ZEB1: variants seen among roughly 807,000 people sequenced by gnomAD.
ZEB1 encodes zinc finger E-box binding homeobox 1, also known as zinc finger E-box-binding homeobox 1.
In ZEB1, 21 loss-of-function variants were observed where a neutral mutation model predicts 84.9. The observed-to-expected ratio is 0.25, with a 90% CI of 0.18 to 0.36. The LOEUF (loss-of-function observed/expected upper bound fraction) is 0.36, where lower values mean the gene tolerates loss of function less well. ZEB1 is among the 10% of genes least tolerant of loss of function. ZEB1 has a pLI of 1.00. For missense variants in ZEB1, 1,104 were observed against 1,330.2 expected (o/e 0.83, Z 2.65); for synonymous variants, 420 against 471.1 (o/e 0.89, Z 1.41).
intron 1 of ZEB1, among the ~76,000 whole-genome samples, chr10:31,334,814 A>T (rs2037646888): frequency 6.6e-6 from 1 of 152,110 alleles, no homozygotes; most frequent in South Asian, 2.1e-4. Flanking sequence ...CCTAAAAAAA[A>T]ATGTAGCTCA....
At chr10:31,346,144 A>G (rs924444497) in intron 1 of ZEB1, among the ~76,000 whole-genome samples, 1 of 152,198 alleles carries the variant, frequency 6.6e-6, no homozygotes, top group Middle Eastern at 3.2e-3. Context: ...GCTTATGACA[A>G]CTATTAGTTA....
intron 2 of ZEB1, among the ~76,000 whole-genome samples, chr10:31,469,575 CTCGCTGATTG>C (rs2062913727): frequency 6.6e-6 from 1 of 152,212 alleles, no homozygotes; most frequent in Non-Finnish European, 1.5e-5. Context: ...CCCACGGAGT[CTCGCTGATTG>C]CTAGCACAGC....
chr10:31,516,076 A>G (rs2071046055), intron 6 of ZEB1, among the ~76,000 whole-genome samples: 1 of 152,120 alleles, frequency 6.6e-6, no homozygotes, highest in Non-Finnish European at 1.5e-5. Flanking sequence ...GGAAAGTATA[A>G]ATCAGAACAA....
chr10:31,440,073 G>A (rs1238643702), intron 1 of ZEB1, among the ~76,000 whole-genome samples: 1 of 152,180 alleles, frequency 6.6e-6, no homozygotes, highest in Admixed American at 6.5e-5. Flanking sequence ...TTGGTAGTGG[G>A]TGGTCAGATC....
At chr10:31,474,910 AG>A (rs2063853696) in intron 2 of ZEB1, among the ~76,000 whole-genome samples, 1 of 152,188 alleles carries the variant, frequency 6.6e-6, no homozygotes, top group Non-Finnish European at 1.5e-5. Flanking sequence ...TGTCCTTTGT[AG>A]GGACATGGAT....
At chr10:31,349,532 C>T (rs1349346027) in intron 1 of ZEB1, among the ~76,000 whole-genome samples, 3 of 152,146 alleles carry the variant, frequency 2.0e-5, no homozygotes, top group Non-Finnish European at 4.4e-5. Flanking sequence ...TTTACATTCC[C>T]AGCAACAGCG....
intron 1 of ZEB1, among the ~76,000 whole-genome samples, chr10:31,415,114 T>C (rs1299489045): frequency 6.6e-6 from 1 of 152,188 alleles, no homozygotes; most frequent in African/African-American, 2.4e-5. Flanking sequence ...AGAACTTTCA[T>C]CTGCTAGGCA....
At chr10:31,489,411 T>A (rs1303050990) in intron 2 of ZEB1, among the ~76,000 whole-genome samples, 1 of 151,352 alleles carries the variant, frequency 6.6e-6, no homozygotes, top group Non-Finnish European at 1.5e-5. Context: ...TTTTTTATTA[T>A]TTTTGGTCTA....
intron 2 of ZEB1, among the ~76,000 whole-genome samples, chr10:31,467,954 G>A (rs1371242443): frequency 6.6e-6 from 1 of 152,116 alleles, no homozygotes; most frequent in Non-Finnish European, 1.5e-5. Flanking sequence ...CTGCCAGGGT[G>A]GACACTGGAG....
At chr10:31,378,277 A>G (rs924890292) in intron 1 of ZEB1, among the ~76,000 whole-genome samples, 3 of 151,552 alleles carry the variant, frequency 2.0e-5, no homozygotes, top group African/African-American at 7.3e-5. Context: ...TTTAGCATCA[A>G]GTGAACATTG....
chr10:31,373,549 A>G (rs2046090389), intron 1 of ZEB1, among the ~76,000 whole-genome samples: 1 of 151,876 alleles, frequency 6.6e-6, no homozygotes, highest in Admixed American at 6.6e-5. Flanking sequence ...GTTCAGTTTC[A>G]TAAGTGCTTC....
At chr10:31,453,354 A>G (rs1201094152) in intron 1 of ZEB1, among the ~76,000 whole-genome samples, 4 of 152,120 alleles carry the variant, frequency 2.6e-5, no homozygotes, top group Non-Finnish European at 5.9e-5. Flanking sequence ...CTTCCTCTAC[A>G]TGGCCCTATC....
chr10:31,450,638 C>T (rs1354539017), intron 1 of ZEB1, among the ~76,000 whole-genome samples: 2 of 151,982 alleles, frequency 1.3e-5, no homozygotes, highest in Non-Finnish European at 2.9e-5. Flanking sequence ...CTTACAAATG[C>T]CTGTCATTCA....
intron 1 of ZEB1, among the ~76,000 whole-genome samples, chr10:31,382,843 A>G (rs1165412717): frequency 2.0e-5 from 3 of 152,128 alleles, no homozygotes; most frequent in Non-Finnish European, 1.5e-5. Context: ...AGATTATAAT[A>G]CATAAGTGAG....
At chr10:31,332,671 G>T (rs1156529635) in intron 1 of ZEB1, among the ~76,000 whole-genome samples, 1 of 152,020 alleles carries the variant, frequency 6.6e-6, no homozygotes, top group Non-Finnish European at 1.5e-5. Flanking sequence ...TTTTTTGGAG[G>T]TTATGCTGTA....
intron 1 of ZEB1, among the ~76,000 whole-genome samples, chr10:31,378,536 A>G (rs1732717214): frequency 1.3e-5 from 2 of 151,658 alleles, no homozygotes; most frequent in African/African-American, 4.8e-5. Context: ...GGGAAAAGAT[A>G]CAATTATGTA....
At chr10:31,339,418 A>G (rs564308454) in intron 1 of ZEB1, among the ~76,000 whole-genome samples, 1 of 152,258 alleles carries the variant, frequency 6.6e-6, no homozygotes, top group African/African-American at 2.4e-5. Flanking sequence ...GTAAGGACTT[A>G]TTTACTTTTA....
chr10:31,366,415 A>G (rs1057086511), intron 1 of ZEB1, among the ~76,000 whole-genome samples: 12 of 152,082 alleles, frequency 7.9e-5, no homozygotes, highest in Non-Finnish European at 1.6e-4. Context: ...CAGCCTCTCA[A>G]AGTGCTAGGA....
intron 1 of ZEB1, chr10:31,355,080 T>C (rs1315534583): frequency 6.6e-6 from 1 of 152,132 alleles, no homozygotes; most frequent in African/African-American, 2.4e-5. Flanking sequence ...ATTTGAAAAA[T>C]GTTACTGTGA....
Sources: gnomAD v4.1 joint callset for allele counts (sites outside exome capture counted in the v4.1 genomes callset) on GRCh38, gnomAD v4.1.1 for gene constraint, MANE v1.5 for transcripts, NCBI Gene and HGNC (gene_info 2026-07-23, HGNC 2026-07-21) for gene names.